SPINK6: variants seen among roughly 807,000 people sequenced by gnomAD.
SPINK6 encodes the protein serine peptidase inhibitor Kazal type 6, also known as serine protease inhibitor Kazal-type 6.
In SPINK6, 13 loss-of-function variants were observed where a neutral mutation model predicts 11.7. The observed-to-expected ratio is 1.11, with a 90% CI of 0.72 to 1.76. SPINK6 has a LOEUF of 1.76. Ranked by LOEUF, SPINK6 falls within the 40% of genes most tolerant of loss-of-function variation. The pLI is 0.00. For synonymous variants in SPINK6, 21 were observed against 31.9 expected (o/e 0.66, Z 1.15); for missense variants, 98 against 93.7 (o/e 1.05, Z -0.19).
chr5:148,204,659 A>T (rs1269010513), intron 1 of SPINK6, among the ~76,000 whole-genome samples: 1 of 152,078 alleles, frequency 6.6e-6, no homozygotes, highest in Admixed American at 6.6e-5. Context: ...GAATTAAATG[A>T]GAAAAAGGCA....
At chr5:148,212,673 A>AGTT (rs1755625908) in intron 2 of SPINK6, among the ~76,000 whole-genome samples, 1 of 105,200 alleles carries the variant, frequency 9.5e-6, no homozygotes, top group South Asian at 2.5e-4. Context: ...TATTTATATA[A>AGTT]TATATATTTT....
intron 2 of SPINK6, among the ~76,000 whole-genome samples, chr5:148,212,695 ATATT>A (rs1479487294): frequency 1.1e-4 from 13 of 116,868 alleles, no homozygotes; most frequent in African/African-American, 3.1e-4. Flanking sequence ...TATAAACTAT[ATATT>A]TATACAATAT....
intron 2 of SPINK6, among the ~76,000 whole-genome samples, chr5:148,212,579 ATATAAATATATTT>A (rs1470673008): frequency 3.0e-4 from 30 of 101,290 alleles, no homozygotes; most frequent in African/African-American, 1.2e-3. Context: ...ATTATATATT[ATATAAATATATTT>A]TATATAATAT....
chr5:148,214,705 T>A (rs965073283), intron 3 of SPINK6, among the ~76,000 whole-genome samples, 200 bp from the exon 4 acceptor site: 2 of 152,162 alleles, frequency 1.3e-5, no homozygotes, highest in South Asian at 4.1e-4. Context: ...ACTCTGAAAT[T>A]TGTTTAAGAT....
intron 2 of SPINK6, among the ~76,000 whole-genome samples, chr5:148,207,875 C>A (rs1453352677): frequency 1.3e-5 from 2 of 152,116 alleles, no homozygotes; most frequent in Non-Finnish European, 1.5e-5. Flanking sequence ...AGTTTGCTTG[C>A]TTCATGATTA....
At chr5:148,207,021 T>TTGTA (rs1654360990) in intron 2 of SPINK6, among the ~76,000 whole-genome samples, 1 of 150,022 alleles carries the variant, frequency 6.7e-6, no homozygotes, top group African/African-American at 2.4e-5. Flanking sequence ...GATGATGCAT[T>TTGTA]TGTGTGTGTG....
At chr5:148,207,336 C>T (rs559022138) in intron 2 of SPINK6, among the ~76,000 whole-genome samples, 7 of 152,170 alleles carry the variant, frequency 4.6e-5, no homozygotes, top group African/African-American at 9.6e-5. Flanking sequence ...CTTCTTTGAA[C>T]GTTGATTTCT....
intron 2 of SPINK6, among the ~76,000 whole-genome samples, chr5:148,212,450 G>A (rs1300759146): frequency 1.7e-5 from 2 of 119,246 alleles, no homozygotes; most frequent in South Asian, 2.6e-4. Context: ...GGGCAACAGA[G>A]GAAGACTCTA....
chr5:148,205,866 T>G (rs994162377), intron 1 of SPINK6, among the ~76,000 whole-genome samples, 170 bp from the exon 2 acceptor site: 1 of 140,476 alleles, frequency 7.1e-6, no homozygotes, highest in African/African-American at 2.6e-5. Flanking sequence ...GTGAGCAGAT[T>G]AAAAAAAAAA....
At chr5:148,212,040 T>A (rs1253220493) in intron 2 of SPINK6, among the ~76,000 whole-genome samples, 1 of 151,704 alleles carries the variant, frequency 6.6e-6, no homozygotes, top group Non-Finnish European at 1.5e-5. Flanking sequence ...TGCTTGTCAT[T>A]ACTCTTGAAA....
At chr5:148,209,237 T>G (rs988470647) in intron 2 of SPINK6, among the ~76,000 whole-genome samples, 1 of 152,176 alleles carries the variant, frequency 6.6e-6, no homozygotes, top group Non-Finnish European at 1.5e-5. Context: ...ATTGAAAAAC[T>G]AAAGCCTCAG....
Position 148,214,971 on chromosome 5 carries a change from G to C in SPINK6, c.*21G>C. On this transcript the variant is annotated 3_prime_UTR_variant, in exon 4 of 4. Transcript: ENST00000325630. ...GCTGAGTTAAAGCCAATGTTTCTTG[G>C]TGACTTGCCAGCTTTTGCAGCCTTC... The C allele has an allele frequency of 3.1e-6, 5 of 1,612,976 alleles. No homozygotes were observed. The highest frequency in any genetic ancestry group is 2.2e-5 in the East Asian group (1 of 44,836).
chr5:148,213,459 A>G lies in SPINK6; in HGVS notation c.82-451A>G, dbSNP rs113865706. Among the ~76,000 whole-genome samples, 27 of 152,064 alleles carry G rather than the reference A, an allele frequency of 1.8e-4. 1 individual carries two copies. Among genetic ancestry groups the G allele is most frequent in the African/African-American group, 6.3e-4 (26 of 41,468 alleles). ...CGTGATCCGCCCGCCTCGGCCTCCCAAACTGCTGGGATTACAGGCTTGAGC... is the reference window on the plus strand; with the variant it reads ...CGTGATCCGCCCGCCTCGGCCTCCCGAACTGCTGGGATTACAGGCTTGAGC... On this transcript the variant is annotated intron_variant, in intron 2 of 3. Coordinates refer to ENST00000325630, the MANE Select transcript of SPINK6 (RefSeq NM_205841.4).
At position 148,206,059 on chromosome 5, in the gene SPINK6, G is replaced by C; in HGVS notation, c.81+1G>C. 1 of 1,613,994 alleles carries C rather than the reference G, an allele frequency of 6.2e-7. No homozygotes were observed. Among genetic ancestry groups the C allele is most frequent in the Non-Finnish European group, 8.5e-7 (1 of 1,179,942 alleles). ...AGGTGTCTTCAGTCAGGGAGGACAGGTCAGTGCCTATTTTTATCTCTGCTT... is the reference window on the plus strand; with the variant it reads ...AGGTGTCTTCAGTCAGGGAGGACAGCTCAGTGCCTATTTTTATCTCTGCTT... On this transcript the variant is annotated splice_donor_variant, in intron 2 of 3. Coordinates refer to ENST00000325630, the MANE Select transcript of SPINK6 (RefSeq NM_205841.4). LOFTEE classifies it high-confidence loss of function.
intron 2 of SPINK6, among the ~76,000 whole-genome samples, chr5:148,207,017 G>C (rs1023353614): frequency 2.4e-4 from 12 of 50,986 alleles, no homozygotes; most frequent in Admixed American, 2.8e-4. Context: ...AAATGATGAT[G>C]CATTTGTGTG....
chr5:148,207,703 C>T (rs116497813), intron 2 of SPINK6, among the ~76,000 whole-genome samples: 1,979 of 152,196 alleles, frequency 0.013, 46 homozygotes, highest in African/African-American at 0.045. Context: ...TGGTGGAGTA[C>T]CTGCAGTCCC....
At chr5:148,202,905 A>G (rs993986077), upstream of SPINK6, 5 of 463,454 alleles carry the variant, frequency 1.1e-5, no homozygotes, top group Non-Finnish European at 7.7e-6. Flanking sequence ...TGCGACACAC[A>G]TAATTGTCCC....
chr5:148,212,610 ATATT>A (rs1755621535), intron 2 of SPINK6, among the ~76,000 whole-genome samples: 1 of 106,644 alleles, frequency 9.4e-6, no homozygotes, highest in Non-Finnish European at 1.7e-5. Flanking sequence ...TATATAATAT[ATATT>A]TATATTATAT....
chr5:148,213,884 C>A, intron 2 of SPINK6, 26 bp from the exon 3 acceptor site: 2 of 1,213,532 alleles, frequency 1.6e-6, no homozygotes, highest in Non-Finnish European at 2.5e-6. Context: ...GCACTGATGT[C>A]AATGTCACTC....
Sources: allele counts gnomAD v4.1 joint callset (sites outside exome capture counted in the v4.1 genomes callset), GRCh38; gene constraint gnomAD v4.1.1; transcripts MANE v1.5; gene names NCBI Gene and HGNC (gene_info 2026-07-23, HGNC 2026-07-21).